Variants in DOCK5 observed in about 807,000 individuals in gnomAD.
DOCK5 encodes the protein dedicator of cytokinesis 5, also known as dedicator of cytokinesis protein 5.
DOCK5 carries 142 observed loss-of-function variants against 251.8 expected under a neutral mutation model. The observed-to-expected ratio is 0.56, with a 90% confidence interval of 0.49 to 0.65. The LOEUF is 0.65. Ranked by LOEUF, DOCK5 falls within the 30% of genes least tolerant of loss-of-function variation. The probability of loss-of-function intolerance (pLI) is 0.00; values close to 1 mark genes in which losing one functional copy is unlikely to be tolerated. For synonymous variants in DOCK5, 842 were observed against 835.5 expected, an observed-to-expected ratio of 1.01 and a Z score of -0.13; for missense variants, 2,111 against 2,312.3, an observed-to-expected ratio of 0.91 and a Z score of 1.79.
intron 1 of DOCK5, among the ~76,000 whole-genome samples, chr8:25,192,748 G>A (rs537056083): frequency 6.6e-6 from 1 of 152,352 alleles, no homozygotes; most frequent in East Asian, 1.9e-4. Flanking sequence ...CTGGGCTGAA[G>A]CAGTCCTCCT....
chr8:25,378,822 A>G (rs1174196033), intron 38 of DOCK5, among the ~76,000 whole-genome samples: 2 of 152,200 alleles, frequency 1.3e-5, no homozygotes, highest in Non-Finnish European at 2.9e-5. Flanking sequence ...ATATTTCAAC[A>G]TAGGTTCTTT....
chr8:25,275,347 G>A (rs1221276040), intron 3 of DOCK5, 39 bp from the exon 4 acceptor site: 1 of 1,550,996 alleles, frequency 6.4e-7, no homozygotes, highest in Non-Finnish European at 8.7e-7. Flanking sequence ...TTTTTGTTTT[G>A]TTTTTATGGC....
intron 1 of DOCK5, among the ~76,000 whole-genome samples, chr8:25,227,980 G>T (rs1011513659): frequency 6.6e-6 from 1 of 152,046 alleles, no homozygotes; most frequent in African/African-American, 2.4e-5. Flanking sequence ...CACCTGCCAG[G>T]CTCCAGTGAT....
rs539332788 is a variant in DOCK5, at chr8:25,300,479, G to C, written c.765-97G>C. On this transcript the variant is annotated intron_variant, in intron 8 of 51. Coordinates refer to ENST00000276440, the MANE Select transcript of DOCK5 (RefSeq NM_024940.8). ...TGTTGAATTTCACTGAGCATTTCTG[G>C]CCTTTCCTCCTTCCCTTGTAAGTCT... The C allele has an allele frequency of 3.7e-6, 4 of 1,079,864 alleles. No individual in the cohort carries two copies. The African/African-American group carries it at 6.3e-5, about 17-fold the overall frequency. The allele number at this position is 1,079,864 out of a possible 1,614,324, so 66.9% of individuals were successfully genotyped here. A position where few individuals can be genotyped will look rare whatever the true frequency, so the allele number is the denominator to read the frequency against.
chr8:25,240,747 A>G (rs1802919369), intron 1 of DOCK5, among the ~76,000 whole-genome samples: 1 of 152,214 alleles, frequency 6.6e-6, no homozygotes, highest in South Asian at 2.1e-4. Context: ...ATTGTGAATA[A>G]TGCTACTGTA....
At chr8:25,257,703 T>C (rs987129685) in intron 2 of DOCK5, among the ~76,000 whole-genome samples, 2 of 152,176 alleles carry the variant, frequency 1.3e-5, no homozygotes, top group African/African-American at 4.8e-5. Context: ...GGTTATACTC[T>C]CAAATTCCTT....
intron 2 of DOCK5, among the ~76,000 whole-genome samples, chr8:25,252,934 T>C (rs992833867): frequency 3.3e-5 from 5 of 152,100 alleles, no homozygotes; most frequent in Non-Finnish European, 7.4e-5. Context: ...TGGGTTCAAG[T>C]GATTTTCATG....
At chr8:25,406,291 C>G (rs1801522108) in intron 48 of DOCK5, among the ~76,000 whole-genome samples, 1 of 152,108 alleles carries the variant, frequency 6.6e-6, no homozygotes, top group African/African-American at 2.4e-5. Flanking sequence ...AAAAGCATTG[C>G]ATCTATCATG....
At chr8:25,377,936 G>T (rs1800994226) in intron 38 of DOCK5, among the ~76,000 whole-genome samples, 1 of 151,260 alleles carries the variant, frequency 6.6e-6, no homozygotes. Flanking sequence ...GTAAATATGG[G>T]GTCTCACCAG....
intron 49 of DOCK5, 78 bp downstream of exon 49, chr8:25,408,232 C>T (rs773064282): frequency 7.0e-6 from 10 of 1,427,694 alleles, no homozygotes; most frequent in Non-Finnish European, 9.4e-6. Flanking sequence ...ATCACCATCC[C>T]CTCCCAGATT....
intron 45 of DOCK5, among the ~76,000 whole-genome samples, chr8:25,396,206 C>T (rs1030760838): frequency 6.6e-6 from 1 of 152,100 alleles, no homozygotes; most frequent in Non-Finnish European, 1.5e-5. Context: ...ATGGTGAAAC[C>T]GCGTCTCTAC....
At chr8:25,191,381 G>A (rs1028669939) in intron 1 of DOCK5, among the ~76,000 whole-genome samples, 41 of 152,178 alleles carry the variant, frequency 2.7e-4, no homozygotes, top group African/African-American at 8.4e-4. Flanking sequence ...ACAAAGCCAC[G>A]CTTCCAAGTG....
intron 42 of DOCK5, 124 bp from the exon 43 acceptor site, chr8:25,391,772 A>T: frequency 3.0e-6 from 2 of 673,214 alleles, no homozygotes; most frequent in African/African-American, 1.9e-5. Context: ...GGCACTATTG[A>T]TTATGAGATA....
chr8:25,294,746 G>T (rs1804576544), intron 6 of DOCK5, among the ~76,000 whole-genome samples: 1 of 152,166 alleles, frequency 6.6e-6, no homozygotes, highest in Non-Finnish European at 1.5e-5. Context: ...TTGACTCATG[G>T]TCTGTTGGCT....
At chr8:25,228,092 G>T (rs991226747) in intron 1 of DOCK5, among the ~76,000 whole-genome samples, 2 of 152,076 alleles carry the variant, frequency 1.3e-5, no homozygotes, top group African/African-American at 4.8e-5. Context: ...GCTCAGGCTG[G>T]TCTCAAACTC....
rs755511798 is a variant in DOCK5, at chr8:25,190,775, G to GTTT, written c.43+5824_43+5825insTTT. ...AAGGCCTGGCCTTAACTTGGTCATG[G>GTTT]GTTTTTTTTTTTTTTTTTTTTTTTT... On this transcript the variant is annotated intron_variant, in intron 1 of 51. Coordinates refer to ENST00000276440, the MANE Select transcript of DOCK5 (RefSeq NM_024940.8). Among the ~76,000 whole-genome samples the GTTT allele has an allele frequency of 1.6e-3, 87 of 53,952 alleles. 9 individuals are homozygous for GTTT. Among genetic ancestry groups the GTTT allele is most frequent in the African/African-American group, 2.8e-3 (42 of 14,858 alleles). 35.4% of individuals were successfully genotyped at this position (53,952 alleles called of 152,430 possible).
intron 1 of DOCK5, among the ~76,000 whole-genome samples, chr8:25,215,397 G>C (rs1802218121): frequency 6.6e-6 from 1 of 152,094 alleles, no homozygotes. Context: ...GGGAGAGAGA[G>C]AGAGGCACAG....
At chr8:25,187,230 CGT>C (rs1491277419) in intron 1 of DOCK5, among the ~76,000 whole-genome samples, 3 of 141,382 alleles carry the variant, frequency 2.1e-5, no homozygotes, top group Non-Finnish European at 3.0e-5. Flanking sequence ...CATATATATA[CGT>C]ATATATATAT....
chr8:25,298,908 A>G (rs765888720), intron 7 of DOCK5, 36 bp from the exon 8 acceptor site: 1 of 1,555,266 alleles, frequency 6.4e-7, no homozygotes, highest in South Asian at 1.2e-5. Flanking sequence ...CATTTGCCAA[A>G]ATCAAGATGT....
Sources: allele counts gnomAD v4.1 joint callset (sites outside exome capture counted in the v4.1 genomes callset), GRCh38; gene constraint gnomAD v4.1.1; transcripts MANE v1.5; gene names NCBI Gene and HGNC (gene_info 2026-07-23, HGNC 2026-07-21).